Variants in SCTR observed in about 807,000 individuals in gnomAD.
SCTR encodes pancreatic secretin receptor.
Under a neutral mutation model 60.8 loss-of-function variants are expected in SCTR, and 56 were observed. The ratio of observed to expected loss-of-function variants is 0.92; its 90% CI spans 0.74 to 1.15. The LOEUF (loss-of-function observed/expected upper bound fraction) is 1.15. Ranked by LOEUF, SCTR falls within the 50% of genes most tolerant of loss-of-function variation. The pLI is 0.00. For synonymous variants in SCTR, 202 were observed against 217.0 expected, an observed-to-expected ratio of 0.93 and a Z score of 0.61; for missense variants, 562 against 550.4, an observed-to-expected ratio of 1.02 and a Z score of -0.21.
At chr2:119,502,909 TGA>T (rs1436116141) in intron 1 of SCTR, among the ~76,000 whole-genome samples, 2 of 151,318 alleles carry the variant, frequency 1.3e-5, no homozygotes, top group Non-Finnish European at 1.5e-5. Flanking sequence ...TTCAGCACTT[TGA>T]GAGACCGAGG....
chr2:119,488,308 G>A (rs1289159698), intron 2 of SCTR, among the ~76,000 whole-genome samples: 2 of 152,216 alleles, frequency 1.3e-5, no homozygotes, highest in East Asian at 1.9e-4. Context: ...CCAGGGCCTG[G>A]CCAGACACCA....
intron 4 of SCTR, among the ~76,000 whole-genome samples, chr2:119,470,386 C>A (rs1294477265): frequency 6.6e-6 from 1 of 151,998 alleles, no homozygotes; most frequent in African/African-American, 2.4e-5. Flanking sequence ...GAATAAAGAA[C>A]AAAACTCGTG....
At position 119,524,222 on chromosome 2, in the gene SCTR, C is replaced by G. The variant is rs575270241; in HGVS notation, c.5G>C (p.Arg2Pro). The stretch of plus-strand genomic sequence containing the variant: ...CTGCAGCGGCGGCGACAGGTGGGGA[C>G]GCATGGTGCCCGCACGTTCCCCGAG... MRPHLSPPLQQL... is the reference protein window; with the variant it reads MPPHLSPPLQQL... Residue 2 changes from arginine to proline, a missense_variant, in exon 1 of 13, where the codon CGT (arginine) becomes CCT (proline). Arg to Pro is a moderately radical substitution (Grantham distance 103, BLOSUM62 -2). Transcript: ENST00000019103. 64 of 1,499,702 alleles carry G rather than the reference C, an allele frequency of 4.3e-5. No homozygotes were observed. The African/African-American group carries it at 8.8e-4, about 21-fold the overall frequency. The allele number at this position is 1,499,702 out of a possible 1,614,324, so 92.9% of individuals were successfully genotyped here. A position where few individuals can be genotyped will look rare whatever the true frequency, so the allele number is the denominator to read the frequency against.
intron 7 of SCTR, 103 bp downstream of exon 7, chr2:119,461,744 T>A: frequency 1.2e-6 from 1 of 810,552 alleles, no homozygotes; most frequent in East Asian, 2.9e-5. Flanking sequence ...ATTACACAAG[T>A]TAGTTAAGTG....
At chr2:119,482,203 A>G (rs1359506643) in intron 2 of SCTR, among the ~76,000 whole-genome samples, 2 of 152,028 alleles carry the variant, frequency 1.3e-5, no homozygotes, top group African/African-American at 2.4e-5. Flanking sequence ...CAGAAGGGGT[A>G]GGGAACGGTA....
At position 119,439,969 on chromosome 2, in the gene SCTR, T is replaced by TC; in HGVS notation, c.*147dup. The TC allele has an allele frequency of 1.2e-6, 1 of 804,502 alleles. No individual in the cohort carries two copies. The allele number at this position is 804,502 out of a possible 1,614,324, so 49.8% of individuals were successfully genotyped here. A position where few individuals can be genotyped will look rare whatever the true frequency, so the allele number is the denominator to read the frequency against. ...CTGCCCCACAGTGCCTCACATCCCT[T>TC]CGGAAGAGTCCAAGGCCTGGGGAGG... is the stretch of plus-strand genomic sequence containing the variant. On this transcript the variant is annotated 3_prime_UTR_variant, in exon 13 of 13. Coordinates refer to ENST00000019103, the MANE Select transcript of SCTR (RefSeq NM_002980.3).
chr2:119,491,172 T>G (rs1046890231), intron 2 of SCTR, among the ~76,000 whole-genome samples: 1 of 152,184 alleles, frequency 6.6e-6, no homozygotes, highest in African/African-American at 2.4e-5. Flanking sequence ...CATGTCCTTT[T>G]CCAGTTCACC....
chr2:119,470,394 G>A (rs769222452), intron 4 of SCTR, among the ~76,000 whole-genome samples: 3 of 152,070 alleles, frequency 2.0e-5, no homozygotes, highest in African/African-American at 4.8e-5. Context: ...AACAAAACTC[G>A]TGCCAATTTG....
At chr2:119,505,048 G>A (rs1304876827) in intron 1 of SCTR, among the ~76,000 whole-genome samples, 1 of 152,148 alleles carries the variant, frequency 6.6e-6, no homozygotes, top group East Asian at 1.9e-4. Context: ...TAGAGAGGAT[G>A]TGGAGAAATA....
intron 3 of SCTR, among the ~76,000 whole-genome samples, chr2:119,474,872 G>C (rs1397159744): frequency 1.3e-5 from 2 of 152,218 alleles, no homozygotes; most frequent in Non-Finnish European, 2.9e-5. Context: ...TGAGATCTGG[G>C]CATGCCTGCC....
intron 2 of SCTR, among the ~76,000 whole-genome samples, chr2:119,488,708 G>A (rs1465418131): frequency 6.6e-6 from 1 of 152,226 alleles, no homozygotes; most frequent in Non-Finnish European, 1.5e-5. Flanking sequence ...TCATGGCAGA[G>A]GTCAGCTTGG....
At chr2:119,481,474 A>C (rs1677598544) in intron 2 of SCTR, among the ~76,000 whole-genome samples, 1 of 152,210 alleles carries the variant, frequency 6.6e-6, no homozygotes, top group African/African-American at 2.4e-5. Flanking sequence ...AGAATTCCCC[A>C]AAAATGCCGC....
At chr2:119,474,655 G>A (rs1677189904) in intron 3 of SCTR, among the ~76,000 whole-genome samples, 1 of 152,216 alleles carries the variant, frequency 6.6e-6, no homozygotes, top group Non-Finnish European at 1.5e-5. Flanking sequence ...CAGGGGCTGG[G>A]CCCCTGGCTA....
At chr2:119,461,734 A>ATT in intron 7 of SCTR, 113 bp downstream of exon 7, 7 of 573,644 alleles carry the variant, frequency 1.2e-5, no homozygotes, top group Non-Finnish European at 2.0e-5. Flanking sequence ...AAAAAAAAAG[A>ATT]TTACACAAGT....
intron 11 of SCTR, 27 bp from the exon 12 acceptor site, chr2:119,441,626 T>C (rs780599195): frequency 6.2e-7 from 1 of 1,609,704 alleles, no homozygotes; most frequent in Non-Finnish European, 8.5e-7. Flanking sequence ...GGTAGCAGGG[T>C]TAGCACAGGT....
chr2:119,476,952 A>G (rs926524127), intron 3 of SCTR: 1 of 152,152 alleles, frequency 6.6e-6, no homozygotes, highest in Non-Finnish European at 1.5e-5. Flanking sequence ...GCTGGCAGGT[A>G]AAGTTGGTAA....
intron 1 of SCTR, 106 bp from the exon 2 acceptor site, chr2:119,494,654 GC>G (rs781070513): frequency 9.9e-4 from 1,209 of 1,221,144 alleles, no homozygotes; most frequent in Non-Finnish European, 1.3e-3. Context: ...TTCAAGTAAA[GC>G]AAAGCCCTTG....
intron 1 of SCTR, among the ~76,000 whole-genome samples, chr2:119,503,325 A>G (rs776317607): frequency 3.3e-5 from 5 of 151,968 alleles, no homozygotes; most frequent in Non-Finnish European, 5.9e-5. Flanking sequence ...TCAGCACTTT[A>G]GGAGGCTGAG....
At chr2:119,462,099 GC>G in intron 6 of SCTR, 99 bp from the exon 7 acceptor site, 1 of 1,232,136 alleles carries the variant, frequency 8.1e-7, no homozygotes, top group Non-Finnish European at 1.1e-6. Context: ...AGGGGCAGGA[GC>G]CAGGCCACAA....
Sources: allele counts gnomAD v4.1 joint callset (sites outside exome capture counted in the v4.1 genomes callset), GRCh38; gene constraint gnomAD v4.1.1; transcripts MANE v1.5; gene names NCBI Gene and HGNC (gene_info 2026-07-23, HGNC 2026-07-21).